The following FUZ variants were observed in gnomAD, a reference collection of about 807,000 sequenced individuals.
FUZ encodes fuzzy planar cell polarity protein, also known as protein fuzzy homolog.
A neutral mutation model predicts 43.1 loss-of-function variants in FUZ; 31 were observed. The ratio of observed to expected loss-of-function variants is 0.72; its 90% CI spans 0.54 to 0.97. FUZ has a LOEUF of 0.97. FUZ is among the 50% of genes least tolerant of loss of function. FUZ has a pLI of 0.00. For synonymous variants in FUZ, 274 were observed against 250.0 expected, an observed-to-expected ratio of 1.10 and a Z score of -0.91; for missense variants, 539 against 543.8, an observed-to-expected ratio of 0.99 and a Z score of 0.09.
At chr19:49,808,231 ACCTCCCTTCC>A (rs995372976) in intron 10 of FUZ, 173 bp downstream of exon 10, 8 of 687,786 alleles carry the variant, frequency 1.2e-5, no homozygotes, top group Admixed American at 4.2e-5. Context: ...CCAGGCGGGG[ACCTCCCTTCC>A]CCTCCCTTCC....
At chr19:49,813,433 T>G (rs984086079), upstream of FUZ, 1 of 434,956 alleles carries the variant, frequency 2.3e-6, no homozygotes, top group African/African-American at 2.0e-5. Flanking sequence ...GGATTGAAGA[T>G]GATGACTGCG....
rs1399103434 is a variant in FUZ at position 49,813,273 on chromosome 19, C to T, written c.-167G>A. On this transcript the variant is annotated 5_prime_UTR_variant, in exon 1 of 11. Transcript: ENST00000313777. Reference sequence around the variant, plus strand: ...GCCTTCTTCACCCAACTCAAACAGACCCTCAAACCCTATTCAGGCACCTCC... The same window carrying T: ...GCCTTCTTCACCCAACTCAAACAGATCCTCAAACCCTATTCAGGCACCTCC... The T allele has an allele frequency of 2.8e-6, 2 of 720,236 alleles. No homozygotes were observed. Among genetic ancestry groups the T allele is most frequent in the East Asian group, 2.7e-5 (1 of 37,216 alleles). The allele number at this position is 720,236 out of a possible 1,614,324, so 44.6% of individuals were successfully genotyped here.
Position 49,810,400 on chromosome 19 carries a change from C to T in FUZ, c.493-825G>A, listed in dbSNP as rs550503559. Among the ~76,000 whole-genome samples the T allele has an allele frequency of 4.6e-5, 7 of 151,010 alleles. No individual in the cohort carries two copies. In the South Asian group the frequency reaches 1.5e-3, roughly 32 times the overall value. On this transcript the variant is annotated intron_variant, in intron 5 of 10. Transcript: ENST00000313777. ...AAAAAATAGCTGAATGTCAGCCGGG[C>T]GCGGTGGCTCATGCCTGTAATCCCA...
At chr19:49,808,537 C>G in intron 9 of FUZ, 37 bp downstream of exon 9, 1 of 1,560,380 alleles carries the variant, frequency 6.4e-7, no homozygotes, top group Non-Finnish European at 8.8e-7. Flanking sequence ...CGGCCCACGC[C>G]CCTCCTACCC....
At chr19:49,811,792 T>A (rs1449039444) in intron 3 of FUZ, 93 bp from the exon 4 acceptor site, 3 of 1,057,178 alleles carry the variant, frequency 2.8e-6, no homozygotes, top group Non-Finnish European at 4.4e-6. Flanking sequence ...CACTTCTGGG[T>A]CTGGGGACTG....
At chr19:49,808,667 C>T in intron 8 of FUZ, 29 bp from the exon 9 acceptor site, 1 of 1,610,666 alleles carries the variant, frequency 6.2e-7, no homozygotes, top group Non-Finnish European at 8.5e-7. Flanking sequence ...AATGTCATGG[C>T]TGGGGAAGAG....
In FUZ at chr19:49,812,981, C is replaced by T; in HGVS notation, c.111+15G>A. 2.6e-6 allele frequency: 4 copies of T among 1,545,448 alleles called. No homozygotes were observed. Among genetic ancestry groups the T allele is most frequent in the Non-Finnish European group, 3.5e-6 (4 of 1,141,870 alleles). On this transcript the variant is annotated intron_variant, in intron 1 of 10. Coordinates refer to ENST00000313777, the MANE Select transcript of FUZ (RefSeq NM_025129.5). Reference sequence around the variant, plus strand: ...GAACCCCCTTCGGTTTAGATACAGGCGTCCAAGGCCCCACCTGCTGACGGG... The same window carrying T: ...GAACCCCCTTCGGTTTAGATACAGGTGTCCAAGGCCCCACCTGCTGACGGG...
Position 49,809,122 on chromosome 19 carries a change from G to T in FUZ, c.786+41C>A. On this transcript the variant is annotated intron_variant, in intron 7 of 10. Coordinates refer to ENST00000313777, the MANE Select transcript of FUZ (RefSeq NM_025129.5). The surrounding 1 kb of genome is among the most constrained non-coding windows in gnomAD (Gnocchi z 5.1). ...GGTGGGGAAGGGCCCTCCTGGTAGCGGGTGTCCTAAGAGCGAAAGCGGGAC... is the reference window on the plus strand; with the variant it reads ...GGTGGGGAAGGGCCCTCCTGGTAGCTGGTGTCCTAAGAGCGAAAGCGGGAC... 2 of 1,525,154 alleles carry T rather than the reference G, an allele frequency of 1.3e-6. No homozygotes were observed. 94.5% of individuals were successfully genotyped at this position (1,525,154 alleles called of 1,614,324 possible).
intron 10 of FUZ, chr19:49,808,024 T>C (rs548778880): frequency 6.1e-5 from 22 of 359,464 alleles, no homozygotes; most frequent in African/African-American, 3.6e-4. Flanking sequence ...CAAGATCCCC[T>C]GTGTTCAAAT....
chr19:49,813,220 G>C lies in FUZ; in HGVS notation c.-114C>G, dbSNP rs1369641990. The C allele has an allele frequency of 1.1e-6, 1 of 930,248 alleles. No homozygotes were observed. Among genetic ancestry groups the C allele is most frequent in the East Asian group, 2.6e-5 (1 of 38,200 alleles). The allele number at this position is 930,248 out of a possible 1,614,324, so 57.6% of individuals were successfully genotyped here. A position where few individuals can be genotyped will look rare whatever the true frequency, so the allele number is the denominator to read the frequency against. ...CGGAGCCGCCAGAGGGCGAGATGGG[G>C]AGCTGATTGGAAGAGGATTAACTTC... On this transcript the variant is annotated 5_prime_UTR_variant, in exon 1 of 11. Coordinates refer to ENST00000313777, the MANE Select transcript of FUZ (RefSeq NM_025129.5).
At position 49,809,452 on chromosome 19, in the gene FUZ, G is replaced by T. The variant is rs753315928; in HGVS notation, c.616C>A (p.Pro206Thr). 1.9e-6 allele frequency: 3 copies of T among 1,551,900 alleles called. No homozygotes were observed. The highest frequency in any genetic ancestry group is 1.9e-5 in the Admixed American group (1 of 51,964). ...GGCGGCAGGGACCCCACCAGCCAGG[G>T]GAGCAGCACGGCCTCGGGCGTCCCC... ...RLGTPEAVLL[P>T]WLVGSLPPQT... The change falls in exon 6 of 11, where the codon CCC (proline) becomes ACC (threonine). Residue 206 changes from proline (P) to threonine (T), a missense_variant. Pro to Thr is a conservative substitution (Grantham distance 38). Transcript: ENST00000313777. This position sits in a 1 kb window ranked among gnomAD's most constrained non-coding sequence, Gnocchi z 5.1.
Position 49,809,415 on chromosome 19 carries a change from C to G in FUZ, c.653G>C (p.Arg218Pro), listed in dbSNP as rs1220070072. 7 of 1,543,360 alleles carry G rather than the reference C, an allele frequency of 4.5e-6. No homozygotes were observed. Among genetic ancestry groups the G allele is most frequent in the Non-Finnish European group, 5.2e-6 (6 of 1,146,920 alleles). Residue 218 changes from arginine (R) to proline (P), a missense_variant, in exon 6 of 11, where the codon CGC becomes CCC. Physicochemically the swap from Arg to Pro is moderately radical, Grantham distance 103. Transcript: ENST00000313777. This position sits in a 1 kb window ranked among gnomAD's most constrained non-coding sequence, Gnocchi z 5.1. ...LVGSLPPQTA[R>P]DYPVYLPHGS... ...GTGCGGCAGGTACACCGGGTAGTCGCGAGCGGTCTGCGGCGGCAGGGACCC... is the reference window on the plus strand; with the variant it reads ...GTGCGGCAGGTACACCGGGTAGTCGGGAGCGGTCTGCGGCGGCAGGGACCC...
chr19:49,807,179 G>T lies in FUZ; in HGVS notation c.1229C>A (p.Thr410Asn), dbSNP rs751860663. 1 of 1,613,426 alleles carries T rather than the reference G, an allele frequency of 6.2e-7. No individual in the cohort carries two copies. Among genetic ancestry groups the T allele is most frequent in the Non-Finnish European group, 8.5e-7 (1 of 1,179,856 alleles). Reference sequence around the variant, plus strand: ...AAGAAGTGGGGTGAGGGCATGCAGAGTGTGGGTGGCCAGGCTTCGCAGCCC... The same window carrying T: ...AAGAAGTGGGGTGAGGGCATGCAGATTGTGGGTGGCCAGGCTTCGCAGCCC... ...THGLRSLATH[T>N]LHALTPLL The change falls in exon 11 of 11, where the codon ACT becomes AAT. Residue 410 changes from threonine (T) to asparagine (N), a missense_variant. Physicochemically the swap from Thr to Asn is moderately conservative, Grantham distance 65. Coordinates refer to ENST00000313777, the MANE Select transcript of FUZ (RefSeq NM_025129.5).
At chr19:49,813,544 C>G (rs1405907474), upstream of FUZ, 2 of 323,114 alleles carry the variant, frequency 6.2e-6, no homozygotes, top group Admixed American at 8.7e-5. Flanking sequence ...GGTCCCAAAG[C>G]ATTGCCTAGC....
Position 49,808,771 on chromosome 19 carries a change from G to A in FUZ, c.839C>T (p.Pro280Leu). The A allele has an allele frequency of 6.4e-7, 1 of 1,569,298 alleles. No homozygotes were observed. Among genetic ancestry groups the A allele is most frequent in the Non-Finnish European group, 8.6e-7 (1 of 1,157,104 alleles). ...ACTGGGCAGCGCCCGGGGTCCCAAC[G>A]GCAGACAGGCCCGCAACGGGTCCAG... The part of the protein sequence containing the change: ...PLLDPLRACL[P>L]LGPRALPSGF... The change falls in exon 8 of 11, where the codon CCG (proline) becomes CTG (leucine). Residue 280 changes from proline (P) to leucine (L), a missense_variant. Pro to Leu is a moderately conservative substitution (Grantham distance 98). Transcript: ENST00000313777.
Position 49,811,647 on chromosome 19 carries a change from A to G in FUZ, c.371T>C (p.Leu124Pro). ...CAACCTCACCCTCAAGTCCTTCTTC[A>G]GTCTCTCCACGTTGCGGATATTGGT... is the stretch of plus-strand genomic sequence containing the variant. ...ELTNIRNVER[L>P]KKDLRASYCL... Residue 124 changes from leucine to proline, a missense_variant, in exon 4 of 11, where the codon CTG becomes CCG. Transcript: ENST00000313777. 2 of 1,614,172 alleles carry G rather than the reference A, an allele frequency of 1.2e-6. No individual in the cohort carries two copies. Among genetic ancestry groups the G allele is most frequent in the Non-Finnish European group, 1.7e-6 (2 of 1,179,998 alleles).
intron 10 of FUZ, 56 bp downstream of exon 10, chr19:49,808,358 G>C: frequency 6.4e-7 from 1 of 1,555,500 alleles, no homozygotes; most frequent in Non-Finnish European, 8.7e-7. Context: ...CATTTTGTGC[G>C]ACCTGGGACT....
At chr19:49,808,337 C>T in intron 10 of FUZ, 77 bp downstream of exon 10, 1 of 1,462,606 alleles carries the variant, frequency 6.8e-7, no homozygotes, top group Admixed American at 1.9e-5. Context: ...TCCAACCCCA[C>T]CTCCTACTCC....
chr19:49,810,474 A>G (rs1398956770), intron 5 of FUZ, among the ~76,000 whole-genome samples: 1 of 151,858 alleles, frequency 6.6e-6, no homozygotes, highest in African/African-American at 2.4e-5. Context: ...GGCGTTCAAG[A>G]CCAGCCTGGC....
Sources: gnomAD v4.1 joint callset for allele counts (sites outside exome capture counted in the v4.1 genomes callset) on GRCh38, gnomAD v4.1.1 for gene constraint, Gnocchi (gnomAD v3.1) non-coding constraint, MANE v1.5 for transcripts, NCBI Gene and HGNC (gene_info 2026-07-23, HGNC 2026-07-21) for gene names.